Variants in CABYR observed in about 807,000 individuals in gnomAD.
CABYR encodes the protein calcium binding tyrosine phosphorylation regulated.
In CABYR, 31 loss-of-function variants were observed where a neutral mutation model predicts 36.1. That is an observed-to-expected ratio of 0.86 (90% confidence interval 0.64 to 1.16). The LOEUF is 1.16. Among genes scored for constraint, CABYR ranks in the 50% most tolerant of loss-of-function variants. The probability of loss-of-function intolerance (pLI) is 0.00; values close to 1 mark genes in which losing one functional copy is unlikely to be tolerated. For synonymous variants in CABYR, 146 were observed against 160.7 expected, an observed-to-expected ratio of 0.91 and a Z score of 0.69; for missense variants, 429 against 455.8, an observed-to-expected ratio of 0.94 and a Z score of 0.53.
intron 1 of CABYR, among the ~76,000 whole-genome samples, chr18:24,141,387 C>A (rs915020180): frequency 6.6e-6 from 1 of 152,190 alleles, no homozygotes; most frequent in African/African-American, 2.4e-5. Context: ...GGACATGGTT[C>A]ATTATATCAC....
chr18:24,161,594 A>T lies in CABYR; in HGVS notation c.*78A>T. ...TGTAATGTATCAATAAACTTCATGC[A>T]AGCATACAATTTTGTATTGCTTTTT... On this transcript the variant is annotated 3_prime_UTR_variant, in exon 6 of 6. Coordinates refer to ENST00000399496, the MANE Select transcript of CABYR (RefSeq NM_153769.3). 4 of 770,100 alleles carry T rather than the reference A, an allele frequency of 5.2e-6. No homozygotes were observed. The East Asian group carries it at 9.7e-5, about 19-fold the overall frequency. The allele number at this position is 770,100 out of a possible 1,614,324, so 47.7% of individuals were successfully genotyped here. A position where few individuals can be genotyped will look rare whatever the true frequency, so the allele number is the denominator to read the frequency against.
chr18:24,157,089 G>A, intron 4 of CABYR: 1 of 938,316 alleles, frequency 1.1e-6, no homozygotes, highest in Non-Finnish European at 1.6e-6. Context: ...CTGCAGATTG[G>A]TCAGTCTTTA....
At chr18:24,161,411 A>G (rs2085982074) in intron 5 of CABYR, 105 bp from the exon 6 acceptor site, 7 of 697,896 alleles carry the variant, frequency 1.0e-5, no homozygotes, top group Admixed American at 4.1e-5. Flanking sequence ...AAGCTTAGTA[A>G]CAGAGCAGGA....
intron 3 of CABYR, chr18:24,148,427 G>A (rs903186373): frequency 1.3e-5 from 2 of 152,178 alleles, no homozygotes; most frequent in African/African-American, 4.8e-5. Flanking sequence ...GGGAGGGAAT[G>A]TCTGCTATTC....
chr18:24,143,386 C>A lies in CABYR; in HGVS notation c.172C>A (p.Leu58Met). 6.4e-7 allele frequency: 1 copy of A among 1,573,646 alleles called. No homozygotes were observed. The highest frequency in any genetic ancestry group is 8.7e-7 in the Non-Finnish European group (1 of 1,150,898). ...GAATACTACTATGGATATAAAAGAT[C>A]TGGTTAAACAATTTCATCAGATTAA... The part of the protein sequence containing the change: ...RGNTTMDIKD[L>M]VKQFHQIKVE... The change falls in exon 3 of 6, where the codon CTG becomes ATG. Residue 58 changes from leucine (L) to methionine (M), a missense_variant. Coordinates refer to ENST00000399496, the MANE Select transcript of CABYR (RefSeq NM_153769.3).
At chr18:24,144,395 T>C (rs2085407450) in intron 3 of CABYR, among the ~76,000 whole-genome samples, 1 of 152,206 alleles carries the variant, frequency 6.6e-6, no homozygotes, top group Non-Finnish European at 1.5e-5. Context: ...CTGCCAATCC[T>C]TGAGTGAGAT....
intron 3 of CABYR, among the ~76,000 whole-genome samples, chr18:24,150,212 G>C (rs2085583975): frequency 6.6e-6 from 1 of 152,234 alleles, no homozygotes; most frequent in African/African-American, 2.4e-5. Context: ...CTGTGGCCCA[G>C]AGAAGTTTGA....
chr18:24,154,989 G>A (rs2085738613), intron 3 of CABYR, among the ~76,000 whole-genome samples: 1 of 152,092 alleles, frequency 6.6e-6, no homozygotes, highest in East Asian at 1.9e-4. Flanking sequence ...TAGAATATGT[G>A]ACTTTCTTAA....
chr18:24,161,435 A>C (rs2085982750), intron 5 of CABYR, 81 bp from the exon 6 acceptor site: 1 of 763,204 alleles, frequency 1.3e-6, no homozygotes, highest in South Asian at 1.4e-5. Flanking sequence ...TAGACCTTGC[A>C]TTTCTAATCT....
intron 1 of CABYR, among the ~76,000 whole-genome samples, 184 bp downstream of exon 1, chr18:24,139,302 A>T (rs1301462062): frequency 6.6e-6 from 1 of 151,990 alleles, no homozygotes; most frequent in Non-Finnish European, 1.5e-5. Flanking sequence ...CAGCTGCCGA[A>T]TCTGAGGCCT....
chr18:24,150,217 G>T (rs2085584118), intron 3 of CABYR, among the ~76,000 whole-genome samples: 1 of 152,254 alleles, frequency 6.6e-6, no homozygotes, highest in African/African-American at 2.4e-5. Flanking sequence ...GCCCAGAGAA[G>T]TTTGATGGCA....
At chr18:24,146,179 T>G (rs1309501300) in intron 3 of CABYR, among the ~76,000 whole-genome samples, 1 of 152,104 alleles carries the variant, frequency 6.6e-6, no homozygotes, top group Non-Finnish European at 1.5e-5. Flanking sequence ...AAAATAACCA[T>G]GATTGATATT....
chr18:24,160,539 A>C (rs554946572), intron 5 of CABYR, among the ~76,000 whole-genome samples: 1 of 152,344 alleles, frequency 6.6e-6, no homozygotes, highest in South Asian at 2.1e-4. Flanking sequence ...GAGGCAGAGT[A>C]AAGAGCTAAA....
intron 1 of CABYR, among the ~76,000 whole-genome samples, chr18:24,142,325 A>C (rs2085344513): frequency 6.6e-6 from 1 of 152,134 alleles, no homozygotes; most frequent in South Asian, 2.1e-4. Flanking sequence ...TCTCAAAAAA[A>C]AAAGCAGCAT....
chr18:24,156,644 A>G, intron 4 of CABYR: 3 of 1,614,244 alleles, frequency 1.9e-6, no homozygotes, highest in Non-Finnish European at 2.5e-6. Flanking sequence ...ATATGGAGGC[A>G]GAAGCAACAG....
At chr18:24,160,456 G>A (rs8090862) in intron 5 of CABYR, among the ~76,000 whole-genome samples, 2,915 of 152,286 alleles carry the variant, frequency 0.019, 73 homozygotes, top group African/African-American at 0.058. Context: ...GAAGAGCAAG[G>A]TAAGAGAGAA....
intron 3 of CABYR, among the ~76,000 whole-genome samples, chr18:24,144,481 G>A (rs1489658152): frequency 6.6e-6 from 1 of 152,176 alleles, no homozygotes; most frequent in East Asian, 1.9e-4. Flanking sequence ...AACACCTAGA[G>A]GGCAGGGCGT....
chr18:24,139,135 GA>G lies in CABYR; in HGVS notation c.-25+21del. 6.6e-6 allele frequency: 1 copy of G among 151,978 alleles called. No homozygotes were observed. The highest frequency in any genetic ancestry group is 1.5e-5 in the Non-Finnish European group (1 of 68,072). 9.4% of individuals were successfully genotyped at this position (151,978 alleles called of 1,614,324 possible). A position where few individuals can be genotyped will look rare whatever the true frequency, so the allele number is the denominator to read the frequency against. Reference sequence around the variant, plus strand: ...GGAAAGCAGGTGGGGAGAATCTGGAGAAAAGGCGCACCCTGCGGCCTCGGAG... The same window carrying G: ...GGAAAGCAGGTGGGGAGAATCTGGAGAAAGGCGCACCCTGCGGCCTCGGAG... On this transcript the variant is annotated intron_variant, in intron 1 of 5. Transcript: ENST00000399496.
chr18:24,156,865 C>G lies in CABYR; in HGVS notation c.541+823C>G, dbSNP rs752013606. The G allele has an allele frequency of 4.2e-5, 68 of 1,613,956 alleles. No individual in the cohort carries two copies. In the South Asian group the frequency reaches 7.5e-4, roughly 18 times the overall value. On this transcript the variant is annotated intron_variant, in intron 4 of 5. Transcript: ENST00000399496. ...GGCAAACCTGTGCTCTCTGGGGAAG[C>G]TGCAGAAGCAGTGCACTCAGGTACA...
Sources: gnomAD v4.1 joint callset for allele counts (sites outside exome capture counted in the v4.1 genomes callset) on GRCh38, gnomAD v4.1.1 for gene constraint, MANE v1.5 for transcripts, NCBI Gene and HGNC (gene_info 2026-07-23, HGNC 2026-07-21) for gene names.